Variants in CHD4 observed in about 807,000 individuals in gnomAD.
The protein encoded by CHD4 is chromodomain helicase DNA binding protein 4, also known as ATP-dependent chromatin remodeler CHD4.
A neutral mutation model predicts 235.5 loss-of-function variants in CHD4; 35 were observed. The ratio of observed to expected loss-of-function variants is 0.15; its 90% CI spans 0.11 to 0.20. The LOEUF (loss-of-function observed/expected upper bound fraction) is 0.20. Among genes scored for constraint, CHD4 ranks in the 10% least tolerant of loss-of-function variants. The pLI is 1.00. For missense variants in CHD4, 1,329 were observed against 2,432.3 expected (o/e 0.55, Z 9.54); for synonymous variants, 900 against 850.2 (o/e 1.06, Z -1.02).
chr12:6,573,977 C>A (rs997532227), intron 37 of CHD4, among the ~76,000 whole-genome samples: 2 of 151,960 alleles, frequency 1.3e-5, no homozygotes, highest in African/African-American at 2.4e-5. Flanking sequence ...GAGCCAGGAT[C>A]GCGCCACTAC....
intron 37 of CHD4, among the ~76,000 whole-genome samples, chr12:6,574,009 G>A (rs543967794): frequency 2.0e-5 from 3 of 151,848 alleles, no homozygotes; most frequent in South Asian, 4.2e-4. Flanking sequence ...AGTGACAGAG[G>A]GAAACTGTCT....
intron 37 of CHD4, 50 bp from the exon 38 acceptor site, chr12:6,573,319 C>T: frequency 6.9e-7 from 1 of 1,456,498 alleles, no homozygotes; most frequent in Non-Finnish European, 9.1e-7. Flanking sequence ...ACTCACTTTA[C>T]TCACTTCTGA....
Position 6,587,701 on chromosome 12 carries a change from G to C in CHD4, c.3703+11C>G. On this transcript the variant is annotated intron_variant, in intron 24 of 39. Coordinates refer to ENST00000544040, the MANE Select transcript of CHD4 (RefSeq NM_001273.5). ...GCCCCACACCAAAACGTAAGTTCCT[G>C]ACTACCTCACCTCCATCAGTGGCTT... is the stretch of plus-strand genomic sequence containing the variant. 1 of 1,613,022 alleles carries C rather than the reference G, an allele frequency of 6.2e-7. No homozygotes were observed. The highest frequency in any genetic ancestry group is 1.3e-5 in the African/African-American group (1 of 75,012).
At position 6,602,060 on chromosome 12, in the gene CHD4, C is replaced by T. The variant is rs781255920; in HGVS notation, c.338G>A (p.Gly113Asp). 2 of 1,613,200 alleles carry T rather than the reference C, an allele frequency of 1.2e-6. No individual in the cohort carries two copies. Among genetic ancestry groups the T allele is most frequent in the Non-Finnish European group, 1.7e-6 (2 of 1,179,876 alleles). Residue 113 changes from glycine (G) to aspartate (D), a missense_variant, in exon 4 of 40, where the codon GGC (glycine) becomes GAC (aspartate). Gly to Asp is a moderately conservative substitution (Grantham distance 94). This residue lies in a region of CHD4 where 213 missense variants were observed against 177.5 expected (regional missense o/e 1.20). Coordinates refer to ENST00000544040, the MANE Select transcript of CHD4 (RefSeq NM_001273.5). ...SDSEGSDYTPGKKKKKKLGPK... is the reference protein window; with the variant it reads ...SDSEGSDYTPDKKKKKKLGPK... ...TCCAAGCTTCTTCTTCTTCTTCTTG[C>T]CAGGAGTATAGTCGCTGCCCTCACT...
In CHD4 at chr12:6,598,340, G is replaced by A. The variant is rs1368158728; in HGVS notation, c.1568C>T (p.Pro523Leu). 2 of 1,614,036 alleles carry A rather than the reference G, an allele frequency of 1.2e-6. No homozygotes were observed. Among genetic ancestry groups the A allele is most frequent in the African/African-American group, 2.7e-5 (2 of 74,928 alleles). The change falls in exon 11 of 40, where the codon CCA (proline) becomes CTA (leucine). Residue 523 changes from proline to leucine, a missense_variant. Physicochemically the swap from Pro to Leu is moderately conservative, Grantham distance 98. This residue lies in a region of CHD4 where 45 missense variants were observed against 47.5 expected (regional missense o/e 0.95). Coordinates refer to ENST00000544040, the MANE Select transcript of CHD4 (RefSeq NM_001273.5). ...GGAGGGCGTGTTGGGATCAGCATCT[G>A]GAGGCCGAGGCACTGGTGTGGGAGA... Reference protein sequence around the residue: ...PPSPTPVPRPPDADPNTPSPK... With the variant: ...PPSPTPVPRPLDADPNTPSPK...
chr12:6,601,831 G>T (rs1471546168), intron 4 of CHD4, 65 bp from the exon 5 acceptor site: 17 of 1,570,314 alleles, frequency 1.1e-5, no homozygotes, highest in African/African-American at 2.7e-5. Flanking sequence ...AAGCAAATTT[G>T]TGTGGAAAAA....
intron 22 of CHD4, among the ~76,000 whole-genome samples, chr12:6,589,902 A>G (rs974574062): frequency 6.6e-6 from 1 of 152,184 alleles, no homozygotes; most frequent in Non-Finnish European, 1.5e-5. Flanking sequence ...AGTGCTTATC[A>G]AAAGTATCTA....
In CHD4 at chr12:6,593,566, G is replaced by A. The variant is rs753126817; in HGVS notation, c.2364C>T (p.Ile788=). 3 of 1,614,168 alleles carry A rather than the reference G, an allele frequency of 1.9e-6. No individual in the cohort carries two copies. The highest frequency in any genetic ancestry group is 1.1e-5 in the South Asian group (1 of 91,080). ...ACATTTCAAACTCCCGCTCCCAGTT[G>A]ATGATGGTAGAAAGAGGGGCGCTCA... ...FLVSAPLSTI[I]NWEREFEMWA... Residue 788 remains isoleucine (I), a synonymous_variant, in exon 16 of 40, where the codon ATC becomes ATT. Coordinates refer to ENST00000544040, the MANE Select transcript of CHD4 (RefSeq NM_001273.5). This position sits in a 1 kb window ranked among gnomAD's most constrained non-coding sequence, Gnocchi z 4.9.
At chr12:6,605,265 G>A (rs1386331834) in intron 2 of CHD4, among the ~76,000 whole-genome samples, 4 of 151,968 alleles carry the variant, frequency 2.6e-5, no homozygotes, top group African/African-American at 4.8e-5. Context: ...GAAGCAGAAG[G>A]AATGAAGAAA....
At position 6,581,671 on chromosome 12, in the gene CHD4, A is replaced by C. The variant is rs1463458443; in HGVS notation, c.4659T>G (p.Thr1553=). ...TACCAGCAGGTGGGACAGGTGCAGG[A>C]GTGTTGGGCTGCGTGTCCCCTGGAG... ...PSTPGDTQPN[T]PAPVPPAEDG... The change falls in exon 31 of 40, where the codon ACT becomes ACG. Residue 1553 remains threonine, a synonymous_variant. Coordinates refer to ENST00000544040, the MANE Select transcript of CHD4 (RefSeq NM_001273.5). 1 of 1,612,292 alleles carries C rather than the reference A, an allele frequency of 6.2e-7. No individual in the cohort carries two copies. Among genetic ancestry groups the C allele is most frequent in the Non-Finnish European group, 8.5e-7 (1 of 1,178,756 alleles).
chr12:6,591,599 G>A lies in CHD4; in HGVS notation c.3223-16C>T, dbSNP rs376945891. 3.3e-5 allele frequency: 54 copies of A among 1,613,584 alleles called. No individual in the cohort carries two copies. The highest frequency in any genetic ancestry group is 4.5e-5 in the East Asian group (2 of 44,892). On this transcript the variant is annotated splice_polypyrimidine_tract_variant and intron_variant, in intron 21 of 39. Coordinates refer to ENST00000544040, the MANE Select transcript of CHD4 (RefSeq NM_001273.5). ...TCTTGGTCATCTGCAAAAGAAGCAC[G>A]GTTTAATTATGGAAGAGTCAGATGG...
At position 6,594,560 on chromosome 12, in the gene CHD4, G is replaced by A. The variant is rs762033904; in HGVS notation, c.2212C>T (p.Arg738Cys). Residue 738 changes from arginine to cysteine, a missense_variant, in exon 15 of 40, where the codon CGC becomes TGC. Arg to Cys is a radical substitution (Grantham distance 180). Around this residue, in one of 26 missense-constraint regions of CHD4, gnomAD observed 6 missense variants for 52.6 expected, o/e 0.11. Coordinates refer to ENST00000544040, the MANE Select transcript of CHD4 (RefSeq NM_001273.5). ...PYQMEGLNWL[R>C]FSWAQGTDTI... Reference sequence around the variant, plus strand: ...TCAGTGCCCTGAGCCCAGGAGAAGCGCAACCAATTCAGGCCCTCCATTTGA... The same window carrying A: ...TCAGTGCCCTGAGCCCAGGAGAAGCACAACCAATTCAGGCCCTCCATTTGA... The A allele has an allele frequency of 6.2e-7, 1 of 1,614,104 alleles. No individual in the cohort carries two copies. Among genetic ancestry groups the A allele is most frequent in the South Asian group, 1.1e-5 (1 of 91,082 alleles).
At chr12:6,589,049 A>C (rs1414708440) in intron 22 of CHD4, among the ~76,000 whole-genome samples, 1 of 152,052 alleles carries the variant, frequency 6.6e-6, no homozygotes. Context: ...GGAGTTCGAG[A>C]CTAAGCTGGC....
chr12:6,591,633 T>C, intron 21 of CHD4, 50 bp from the exon 22 acceptor site: 2 of 1,613,178 alleles, frequency 1.2e-6, no homozygotes, highest in Non-Finnish European at 8.5e-7. Context: ...GGTAATCCCT[T>C]TCCTTAGGTC....
At chr12:6,604,926 C>G (rs914029117) in intron 2 of CHD4, among the ~76,000 whole-genome samples, 1 of 152,116 alleles carries the variant, frequency 6.6e-6, no homozygotes, top group East Asian at 1.9e-4. Context: ...GTTTCTCATG[C>G]CCCTCTCAGA....
rs754440306 is a variant in CHD4 at position 6,578,856 on chromosome 12, T to C, written c.4971A>G (p.Val1657=). ...KSAIDLTPIV[V]EDKEEKKEEE... is the part of the protein sequence containing the mutation. Reference sequence around the variant, plus strand: ...TCTCCAAACACCCACCTTTGTCTTCTACCACAATAGGGGTCAGATCTATTG... The same window carrying C: ...TCTCCAAACACCCACCTTTGTCTTCCACCACAATAGGGGTCAGATCTATTG... Residue 1657 remains valine (V), a synonymous_variant, in exon 34 of 40, where the codon GTA becomes GTG. Transcript: ENST00000544040. 6 of 1,614,204 alleles carry C rather than the reference T, an allele frequency of 3.7e-6. No homozygotes were observed. Among genetic ancestry groups the C allele is most frequent in the Non-Finnish European group, 5.1e-6 (6 of 1,180,000 alleles).
chr12:6,577,601 C>T, intron 37 of CHD4, 184 bp downstream of exon 37: 2 of 714,528 alleles, frequency 2.8e-6, no homozygotes, highest in African/African-American at 1.8e-5. Flanking sequence ...AGCTCATGTA[C>T]AGTTAGTTAA....
chr12:6,571,086 T>C, intron 38 of CHD4, 54 bp from the exon 39 acceptor site: 1 of 1,588,674 alleles, frequency 6.3e-7, no homozygotes, highest in Non-Finnish European at 8.6e-7. Flanking sequence ...CTGAGCTCCC[T>C]CTACCCTAGT....
In CHD4 at chr12:6,597,874, C is replaced by A. The variant is rs769759908; in HGVS notation, c.1892+20G>T. On this transcript the variant is annotated intron_variant, in intron 12 of 39. Coordinates refer to ENST00000544040, the MANE Select transcript of CHD4 (RefSeq NM_001273.5). ...ACTCTCCCACGGAGACTGCCCGTCTCCCGTGTGCTCAGCTGGTACCTGTGG... is the reference window on the plus strand; with the variant it reads ...ACTCTCCCACGGAGACTGCCCGTCTACCGTGTGCTCAGCTGGTACCTGTGG... 2.5e-6 allele frequency: 4 copies of A among 1,611,820 alleles called. 1 individual carries two copies. In the South Asian group the frequency reaches 4.4e-5, roughly 18 times the overall value.
Sources: allele counts gnomAD v4.1 joint callset (sites outside exome capture counted in the v4.1 genomes callset), GRCh38; gene constraint gnomAD v4.1.1; regional missense constraint gnomAD v4.1.1; non-coding constraint Gnocchi (gnomAD v3.1); transcripts MANE v1.5; gene names NCBI Gene and HGNC (gene_info 2026-07-23, HGNC 2026-07-21).